CNBD1: variants seen among roughly 807,000 people sequenced by gnomAD.
CNBD1 encodes the protein cyclic nucleotide-binding domain-containing protein 1.
Under a neutral mutation model 54.4 loss-of-function variants are expected in CNBD1, and 71 were observed. The ratio of observed to expected loss-of-function variants is 1.30; its 90% CI spans 1.08 to 1.59. CNBD1 has a LOEUF of 1.59. CNBD1 is among the 40% of genes most tolerant of loss of function. The pLI is 0.00. For missense variants in CNBD1, 659 were observed against 518.0 expected, an observed-to-expected ratio of 1.27 and a Z score of -2.64; for synonymous variants, 182 against 170.7, an observed-to-expected ratio of 1.07 and a Z score of -0.51.
chr8:87,414,537 G>A (rs1586088101), intron 2 of CNBD1, among the ~76,000 whole-genome samples: 2 of 151,898 alleles, frequency 1.3e-5, no homozygotes, highest in South Asian at 2.1e-4. Flanking sequence ...AATAAAAAAA[G>A]AAATTAATAT....
intron 4 of CNBD1, among the ~76,000 whole-genome samples, chr8:86,974,044 C>T (rs560261354): frequency 6.4e-4 from 97 of 151,816 alleles, no homozygotes; most frequent in Non-Finnish European, 9.3e-4. Flanking sequence ...ATACCCCAAA[C>T]GGTTACTAAG....
At chr8:87,217,584 T>G (rs1341881673) in intron 5 of CNBD1, among the ~76,000 whole-genome samples, 2 of 151,876 alleles carry the variant, frequency 1.3e-5, no homozygotes, top group Non-Finnish European at 2.9e-5. Flanking sequence ...TTTTTTTTTT[T>G]TTTTAAATAG....
intron 4 of CNBD1, among the ~76,000 whole-genome samples, chr8:87,189,243 A>T (rs1813547869): frequency 6.6e-6 from 1 of 152,154 alleles, no homozygotes; most frequent in African/African-American, 2.4e-5. Context: ...AACCACTCAG[A>T]TCTTATGAAC....
At position 86,925,511 on chromosome 8, in the gene CNBD1, G is replaced by T. The variant is rs943019613; in HGVS notation, c.273-14085G>T. ...TGTGTGTGTGTGTGTGTGTGTGTGT[G>T]TGTGTGTGTGTGTGTCCCTGTCTGT... On this transcript the variant is annotated intron_variant, in intron 3 of 10. Coordinates refer to ENST00000518476, the MANE Select transcript of CNBD1 (RefSeq NM_173538.3). 1.3e-3 allele frequency among the ~76,000 whole-genome samples: 189 copies of T among 143,174 alleles called. 4 individuals are homozygous for T. The highest frequency in any genetic ancestry group is 3.6e-4 in the Non-Finnish European group (23 of 63,944). The allele number at this position is 143,174 out of a possible 152,430, so 93.9% of individuals were successfully genotyped here. A position where few individuals can be genotyped will look rare whatever the true frequency, so the allele number is the denominator to read the frequency against.
At chr8:87,094,427 A>T (rs551037904) in intron 4 of CNBD1, among the ~76,000 whole-genome samples, 28 of 140,632 alleles carry the variant, frequency 2.0e-4, no homozygotes, top group Non-Finnish European at 2.9e-4. Flanking sequence ...ACTTTCCTTG[A>T]TTTTTTTTCT....
chr8:87,334,725 T>C (rs1324722598), intron 8 of CNBD1, among the ~76,000 whole-genome samples: 2 of 90,750 alleles, frequency 2.2e-5, no homozygotes, highest in Non-Finnish European at 4.1e-5. Flanking sequence ...TTTTCTTTTC[T>C]TTTTTTTTTT....
At chr8:86,918,092 A>C (rs1465349554) in intron 3 of CNBD1, among the ~76,000 whole-genome samples, 2 of 152,214 alleles carry the variant, frequency 1.3e-5, no homozygotes, top group Non-Finnish European at 2.9e-5. Flanking sequence ...ATCCTTTTAA[A>C]GGGGAATAGA....
intron 8 of CNBD1, among the ~76,000 whole-genome samples, chr8:87,298,406 A>G (rs1032341326): frequency 5.3e-5 from 8 of 151,884 alleles, no homozygotes; most frequent in African/African-American, 1.9e-4. Context: ...TCCTCACCCC[A>G]TGATCACTAC....
At chr8:87,106,605 C>G (rs961742371) in intron 4 of CNBD1, among the ~76,000 whole-genome samples, 9 of 152,168 alleles carry the variant, frequency 5.9e-5, no homozygotes, top group South Asian at 4.1e-4. Flanking sequence ...GAACTTTTCA[C>G]TATTTTAATT....
At chr8:87,384,752 A>T (rs1811150129), downstream of CNBD1, among the ~76,000 whole-genome samples, 1 of 152,118 alleles carries the variant, frequency 6.6e-6, no homozygotes, top group Non-Finnish European at 1.5e-5. Flanking sequence ...ATTATACCTC[A>T]GACCTGAAGG....
At chr8:87,353,204 C>T (rs766023602) in intron 9 of CNBD1, among the ~76,000 whole-genome samples, 14 of 152,144 alleles carry the variant, frequency 9.2e-5, no homozygotes, top group Non-Finnish European at 1.9e-4. Flanking sequence ...TTAATACCAT[C>T]GGTTCTGGCC....
intron 4 of CNBD1, among the ~76,000 whole-genome samples, chr8:87,010,686 A>G (rs913912667): frequency 6.6e-6 from 1 of 152,194 alleles, no homozygotes; most frequent in African/African-American, 2.4e-5. Context: ...CAGAGGTTAC[A>G]GTGAGCCGTG....
Position 86,931,326 on chromosome 8 carries a change from C to T in CNBD1, c.273-8270C>T, listed in dbSNP as rs555602306. 4.6e-5 allele frequency among the ~76,000 whole-genome samples: 7 copies of T among 152,246 alleles called. No homozygotes were observed. The East Asian group carries it at 5.8e-4, about 13-fold the overall frequency. On this transcript the variant is annotated intron_variant, in intron 3 of 10. Transcript: ENST00000518476. ...CAGTGAGGGTGATGACATGAGCTGGCACTTGCCCTGAGGACCCTCAGTCCT... is the reference window on the plus strand; with the variant it reads ...CAGTGAGGGTGATGACATGAGCTGGTACTTGCCCTGAGGACCCTCAGTCCT...
chr8:87,351,597 T>G (rs1810295434), intron 8 of CNBD1, 88 bp from the exon 9 acceptor site: 1 of 1,219,124 alleles, frequency 8.2e-7, no homozygotes, highest in Non-Finnish European at 1.1e-6. Context: ...GTTATTGAAT[T>G]AAATACATTA....
intron 4 of CNBD1, among the ~76,000 whole-genome samples, chr8:87,138,624 G>A (rs921578882): frequency 6.6e-6 from 1 of 152,162 alleles, no homozygotes; most frequent in Non-Finnish European, 1.5e-5. Context: ...AGTGAGACAA[G>A]GTGGCACGTC....
intron 4 of CNBD1, among the ~76,000 whole-genome samples, chr8:87,075,843 G>A (rs1371411387): frequency 6.6e-6 from 1 of 152,060 alleles, no homozygotes; most frequent in African/African-American, 2.4e-5. Context: ...GGTGAGCAAT[G>A]GTGCCTAGAC....
At chr8:87,319,118 G>T (rs750110708) in intron 8 of CNBD1, among the ~76,000 whole-genome samples, 1 of 152,004 alleles carries the variant, frequency 6.6e-6, no homozygotes, top group Admixed American at 6.6e-5. Flanking sequence ...GAGAGAAGTG[G>T]CCCCTCAATG....
intron 1 of CNBD1, among the ~76,000 whole-genome samples, chr8:86,877,020 G>C (rs1808530784): frequency 6.6e-6 from 1 of 151,828 alleles, no homozygotes; most frequent in Admixed American, 6.6e-5. Flanking sequence ...ATCAACTTTA[G>C]AAAATGCATA....
At chr8:87,183,614 A>C (rs542463942) in intron 4 of CNBD1, among the ~76,000 whole-genome samples, 2 of 152,074 alleles carry the variant, frequency 1.3e-5, no homozygotes, top group Non-Finnish European at 2.9e-5. Flanking sequence ...TCTGGCTTTT[A>C]GAGTTGCCAG....
Sources: gnomAD v4.1 joint callset for allele counts (sites outside exome capture counted in the v4.1 genomes callset) on GRCh38, gnomAD v4.1.1 for gene constraint, MANE v1.5 for transcripts, NCBI Gene and HGNC (gene_info 2026-07-23, HGNC 2026-07-21) for gene names.